Variants in RSU1 observed in about 807,000 individuals in gnomAD.
RSU1 encodes the protein Ras suppressor protein 1.
A neutral mutation model predicts 31.1 loss-of-function variants in RSU1; 26 were observed. The ratio of observed to expected loss-of-function variants is 0.84; its 90% CI spans 0.61 to 1.16. The LOEUF (loss-of-function observed/expected upper bound fraction) is 1.16. RSU1 is among the 50% of genes most tolerant of loss of function. RSU1 has a pLI of 0.00. For synonymous variants in RSU1, 164 were observed against 136.3 expected (o/e 1.20, Z -1.41); for missense variants, 320 against 339.1 (o/e 0.94, Z 0.44).
chr10:16,695,989 G>A (rs184188930), intron 7 of RSU1, among the ~76,000 whole-genome samples: 1 of 152,222 alleles, frequency 6.6e-6, no homozygotes, highest in East Asian at 1.9e-4. Flanking sequence ...TTAATGACCA[G>A]TTGACTGTTT....
At chr10:16,816,873 T>A in intron 2 of RSU1, 100 bp downstream of exon 2, 1 of 823,270 alleles carries the variant, frequency 1.2e-6, no homozygotes, top group African/African-American at 1.7e-5. Context: ...GGGGCTGGGG[T>A]CTAAACCAGT....
chr10:16,597,084 A>G (rs1313611919), intron 8 of RSU1, among the ~76,000 whole-genome samples: 1 of 152,232 alleles, frequency 6.6e-6, no homozygotes, highest in Non-Finnish European at 1.5e-5. Flanking sequence ...GAAACCTAGC[A>G]ATACCCGAGT....
At chr10:16,671,617 A>G (rs1266261868) in intron 8 of RSU1, among the ~76,000 whole-genome samples, 1 of 151,024 alleles carries the variant, frequency 6.6e-6, no homozygotes, top group Admixed American at 6.6e-5. Context: ...CCTGACTCAA[A>G]GGTGTTTTTT....
At chr10:16,619,667 C>T (rs1451824935) in intron 8 of RSU1, among the ~76,000 whole-genome samples, 1 of 152,188 alleles carries the variant, frequency 6.6e-6, no homozygotes, top group East Asian at 1.9e-4. Flanking sequence ...TGAGCCTAGA[C>T]TTATGGACAC....
intron 8 of RSU1, among the ~76,000 whole-genome samples, chr10:16,612,872 C>G (rs1046247348): frequency 2.0e-5 from 3 of 152,152 alleles, no homozygotes; most frequent in African/African-American, 7.2e-5. Context: ...TCTCCTGATG[C>G]CAGCAGGCAA....
At chr10:16,812,179 C>T (rs764114503) in intron 2 of RSU1, among the ~76,000 whole-genome samples, 2 of 152,230 alleles carry the variant, frequency 1.3e-5, no homozygotes, top group African/African-American at 2.4e-5. Context: ...CAGTGGCTCA[C>T]GCCTGTAATC....
At chr10:16,632,867 C>G (rs1011412135) in intron 8 of RSU1, among the ~76,000 whole-genome samples, 1 of 152,090 alleles carries the variant, frequency 6.6e-6, no homozygotes, top group Non-Finnish European at 1.5e-5. Context: ...ATCTCTGAAG[C>G]CTGGGAGGCA....
At chr10:16,721,704 G>C (rs953782230) in intron 7 of RSU1, 3 of 152,308 alleles carry the variant, frequency 2.0e-5, no homozygotes, top group African/African-American at 7.2e-5. Flanking sequence ...GACGTGGGTG[G>C]CAAATCACTT....
At chr10:16,790,682 T>G (rs996706378) in intron 2 of RSU1, among the ~76,000 whole-genome samples, 13 of 152,126 alleles carry the variant, frequency 8.5e-5, no homozygotes, top group African/African-American at 3.1e-4. Flanking sequence ...ATCGTTTGTG[T>G]TGAGGGAGGG....
chr10:16,785,526 A>ACACATATATAC (rs1240281059), intron 2 of RSU1, among the ~76,000 whole-genome samples: 4 of 141,820 alleles, frequency 2.8e-5, no homozygotes, highest in African/African-American at 1.1e-4. Flanking sequence ...ATATATATAT[A>ACACATATATAC]ATATTAGTTC....
At chr10:16,647,091 C>A (rs759537228) in intron 8 of RSU1, among the ~76,000 whole-genome samples, 3 of 152,060 alleles carry the variant, frequency 2.0e-5, no homozygotes, top group Non-Finnish European at 4.4e-5. Flanking sequence ...GATTCTCCTG[C>A]CTCAGCCTCC....
Position 16,741,705 on chromosome 10 carries a change from C to A in RSU1, c.598+10834G>T, listed in dbSNP as rs116091685. 2.4e-3 allele frequency among the ~76,000 whole-genome samples: 372 copies of A among 152,234 alleles called. 1 individual carries two copies. Among genetic ancestry groups the A allele is most frequent in the African/African-American group, 8.7e-3 (361 of 41,544 alleles). ...AAGAGCTCTAATTGACAAAGGCATACAATCCACTCTGTAATTTTCTAAGAT... is the reference window on the plus strand; with the variant it reads ...AAGAGCTCTAATTGACAAAGGCATAAAATCCACTCTGTAATTTTCTAAGAT... On this transcript the variant is annotated intron_variant, in intron 7 of 8. Coordinates refer to ENST00000345264, the MANE Select transcript of RSU1 (RefSeq NM_012425.4).
At chr10:16,705,380 CTACAT>C (rs1835876435) in intron 7 of RSU1, among the ~76,000 whole-genome samples, 1 of 152,050 alleles carries the variant, frequency 6.6e-6, no homozygotes, top group South Asian at 2.1e-4. Context: ...TAAATAATCT[CTACAT>C]TATTTATAAT....
intron 8 of RSU1, among the ~76,000 whole-genome samples, chr10:16,663,173 A>G (rs911646584): frequency 6.6e-6 from 1 of 152,090 alleles, no homozygotes; most frequent in Non-Finnish European, 1.5e-5. Flanking sequence ...CCTGGCAGAC[A>G]TGGTTAGGAT....
chr10:16,727,132 G>C (rs181388054), intron 7 of RSU1: 1 of 456,558 alleles, frequency 2.2e-6, no homozygotes, highest in South Asian at 1.5e-5. Flanking sequence ...TACCACAAGG[G>C]AACAGGATGT....
At chr10:16,772,641 G>GA (rs60460081) in intron 3 of RSU1, among the ~76,000 whole-genome samples, 1,457 of 64,674 alleles carry the variant, frequency 0.023, 19 homozygotes, top group Middle Eastern at 0.032. Flanking sequence ...AGTAGAATAT[G>GA]AAAAAAAAAA....
At chr10:16,799,854 G>T (rs556752892) in intron 2 of RSU1, among the ~76,000 whole-genome samples, 1 of 152,234 alleles carries the variant, frequency 6.6e-6, no homozygotes, top group East Asian at 1.9e-4. Flanking sequence ...GAGGGGATGC[G>T]GGGAAGTTGA....
intron 2 of RSU1, among the ~76,000 whole-genome samples, chr10:16,804,044 C>T (rs1249563725): frequency 6.6e-6 from 1 of 151,916 alleles, no homozygotes; most frequent in Non-Finnish European, 1.5e-5. Flanking sequence ...AAGACCAGCG[C>T]CAACAAGGAG....
chr10:16,741,262 A>G (rs985264085), intron 7 of RSU1, among the ~76,000 whole-genome samples: 1 of 152,254 alleles, frequency 6.6e-6, no homozygotes, highest in African/African-American at 2.4e-5. Flanking sequence ...AGCCACAGGC[A>G]AAAGAATAAA....
Sources: allele counts gnomAD v4.1 joint callset (sites outside exome capture counted in the v4.1 genomes callset), GRCh38; gene constraint gnomAD v4.1.1; transcripts MANE v1.5; gene names NCBI Gene and HGNC (gene_info 2026-07-23, HGNC 2026-07-21).